SCFD1: variants seen among roughly 807,000 people sequenced by gnomAD.
SCFD1 encodes the protein sec1 family domain-containing protein 1.
In SCFD1, 37 loss-of-function variants were observed where a neutral mutation model predicts 103.2. The observed-to-expected ratio is 0.36, with a 90% CI of 0.28 to 0.47. The LOEUF is 0.47. Ranked by LOEUF, SCFD1 falls within the 20% of genes least tolerant of loss-of-function variation. The probability of loss-of-function intolerance (pLI) is 1.00; values close to 1 mark genes in which losing one functional copy is unlikely to be tolerated. For synonymous variants in SCFD1, 264 were observed against 245.0 expected (o/e 1.08, Z -0.73); for missense variants, 639 against 761.2 (o/e 0.84, Z 1.89).
chr14:30,706,221 CTT>C (rs1891458385), intron 18 of SCFD1, among the ~76,000 whole-genome samples: 1 of 152,020 alleles, frequency 6.6e-6, no homozygotes. Flanking sequence ...AAGTTAATGT[CTT>C]TTACATGGTA....
At chr14:30,729,471 T>C (rs1893288777) in intron 23 of SCFD1, among the ~76,000 whole-genome samples, 1 of 152,166 alleles carries the variant, frequency 6.6e-6, no homozygotes, top group Non-Finnish European at 1.5e-5. Flanking sequence ...CATGTAATGG[T>C]TTTTTGGCAA....
At chr14:30,672,298 A>G (rs1002732277) in intron 11 of SCFD1, among the ~76,000 whole-genome samples, 10 of 152,142 alleles carry the variant, frequency 6.6e-5, no homozygotes, top group Non-Finnish European at 1.0e-4. Flanking sequence ...TTTTGCCAAC[A>G]TAGACTCAAC....
intron 23 of SCFD1, 194 bp from the exon 24 acceptor site, chr14:30,734,596 A>T (rs1431691002): frequency 1.8e-6 from 1 of 544,388 alleles, no homozygotes; most frequent in Non-Finnish European, 3.3e-6. Context: ...GGACAAAAAT[A>T]CTATGCTCAT....
At chr14:30,734,360 T>C (rs1227535995) in intron 23 of SCFD1, 1 of 180,908 alleles carries the variant, frequency 5.5e-6, no homozygotes, top group Non-Finnish European at 1.2e-5. Context: ...ACTGTGTTGC[T>C]CAAGTGAGAC....
chr14:30,671,638 C>G (rs1039672341), intron 11 of SCFD1, among the ~76,000 whole-genome samples: 40 of 152,098 alleles, frequency 2.6e-4, no homozygotes, highest in African/African-American at 9.4e-4. Context: ...TGCTCTGCAT[C>G]TTACATACAA....
At chr14:30,698,136 C>T (rs578228470) in intron 15 of SCFD1, among the ~76,000 whole-genome samples, 22 of 152,262 alleles carry the variant, frequency 1.4e-4, no homozygotes, top group Non-Finnish European at 2.5e-4. Context: ...CAAAAGCTCT[C>T]CAAACTGTAC....
chr14:30,714,908 A>C (rs939928521), intron 19 of SCFD1, among the ~76,000 whole-genome samples: 10 of 152,256 alleles, frequency 6.6e-5, no homozygotes, highest in Admixed American at 3.3e-4. Flanking sequence ...AATTTTCTAA[A>C]TTTGACTTAT....
chr14:30,731,529 G>A (rs1465774047), intron 23 of SCFD1, among the ~76,000 whole-genome samples: 2 of 152,130 alleles, frequency 1.3e-5, no homozygotes, highest in African/African-American at 4.8e-5. Context: ...TTACTTCGTT[G>A]AGCAGTGGTT....
At chr14:30,661,398 C>T (rs1275598860) in intron 10 of SCFD1, among the ~76,000 whole-genome samples, 1 of 152,140 alleles carries the variant, frequency 6.6e-6, no homozygotes, top group Non-Finnish European at 1.5e-5. Context: ...TTTGTTTCTT[C>T]AGCCACTCAG....
At chr14:30,659,044 T>C (rs893823850) in intron 10 of SCFD1, among the ~76,000 whole-genome samples, 1 of 152,166 alleles carries the variant, frequency 6.6e-6, no homozygotes, top group Non-Finnish European at 1.5e-5. Context: ...TTCATTCACT[T>C]TTTAAAAATA....
intron 15 of SCFD1, among the ~76,000 whole-genome samples, chr14:30,695,151 T>G (rs1234103428): frequency 6.6e-6 from 1 of 152,198 alleles, no homozygotes; most frequent in African/African-American, 2.4e-5. Context: ...ATCTGCTGGT[T>G]CCAGGAAGAT....
chr14:30,698,588 A>G (rs532178956), intron 15 of SCFD1, among the ~76,000 whole-genome samples: 1 of 152,310 alleles, frequency 6.6e-6, no homozygotes, highest in Admixed American at 6.5e-5. Flanking sequence ...TTCCTCTTGT[A>G]TATTAGGATC....
intron 23 of SCFD1, among the ~76,000 whole-genome samples, chr14:30,731,198 C>G (rs1262466833): frequency 6.6e-6 from 1 of 152,076 alleles, no homozygotes; most frequent in African/African-American, 2.4e-5. Context: ...CTGTTCTGTT[C>G]CACTGGTCTA....
intron 14 of SCFD1, among the ~76,000 whole-genome samples, chr14:30,676,936 T>C (rs2067692078): frequency 6.6e-6 from 1 of 152,200 alleles, no homozygotes; most frequent in South Asian, 2.1e-4. Context: ...CTAATGATTT[T>C]AGGTGAGTTT....
Position 30,691,355 on chromosome 14 carries a change from A to G in SCFD1, c.1243-3418A>G, listed in dbSNP as rs1221918905. Reference sequence around the variant, plus strand: ...TGGAGACATTTAATGGATCACTTGTATCTATTTTATGTTTAGGGTTCTGTA... The same window carrying G: ...TGGAGACATTTAATGGATCACTTGTGTCTATTTTATGTTTAGGGTTCTGTA... On this transcript the variant is annotated intron_variant, in intron 14 of 24. Transcript: ENST00000458591. 3.3e-5 allele frequency among the ~76,000 whole-genome samples: 5 copies of G among 152,180 alleles called. No homozygotes were observed. In the East Asian group the frequency reaches 9.6e-4, roughly 29 times the overall value.
intron 9 of SCFD1, among the ~76,000 whole-genome samples, chr14:30,651,468 A>G (rs1886383198): frequency 6.6e-6 from 1 of 152,086 alleles, no homozygotes; most frequent in Non-Finnish European, 1.5e-5. Flanking sequence ...CTCAGTTTCC[A>G]CATTATTTTA....
intron 13 of SCFD1, among the ~76,000 whole-genome samples, 184 bp downstream of exon 13, chr14:30,674,181 A>T (rs563862536): frequency 6.6e-6 from 1 of 152,276 alleles, no homozygotes; most frequent in South Asian, 2.1e-4. Flanking sequence ...TCCCTCTTAG[A>T]TATAGGAGAT....
At chr14:30,627,594 A>G (rs1402657364) in intron 1 of SCFD1, among the ~76,000 whole-genome samples, 1 of 152,002 alleles carries the variant, frequency 6.6e-6, no homozygotes. Context: ...TAGAAATACA[A>G]AATTAGCCGG....
At chr14:30,646,875 G>A (rs1885886187) in intron 7 of SCFD1, among the ~76,000 whole-genome samples, 1 of 152,028 alleles carries the variant, frequency 6.6e-6, no homozygotes, top group Non-Finnish European at 1.5e-5. Flanking sequence ...ACTCATTTCT[G>A]TTAGGTTTTC....
Sources: allele counts gnomAD v4.1 joint callset (sites outside exome capture counted in the v4.1 genomes callset), GRCh38; gene constraint gnomAD v4.1.1; transcripts MANE v1.5; gene names NCBI Gene and HGNC (gene_info 2026-07-23, HGNC 2026-07-21).